Variants in TCERG1L observed in about 807,000 individuals in gnomAD.
TCERG1L encodes transcription elongation regulator 1-like protein.
A neutral mutation model predicts 56.3 loss-of-function variants in TCERG1L; 37 were observed. That is an observed-to-expected ratio of 0.66 (90% CI 0.51 to 0.87). The LOEUF (loss-of-function observed/expected upper bound fraction) is 0.87. TCERG1L is among the 40% of genes least tolerant of loss of function. The pLI, the probability that TCERG1L is intolerant of heterozygous loss-of-function variation, is 0.00. For missense variants in TCERG1L, 799 were observed against 774.2 expected, an observed-to-expected ratio of 1.03 and a Z score of -0.38; for synonymous variants, 324 against 326.3, an observed-to-expected ratio of 0.99 and a Z score of 0.08.
At chr10:131,193,784 GC>G in intron 4 of TCERG1L, among the ~76,000 whole-genome samples, 1 of 152,300 alleles carries the variant, frequency 6.6e-6, no homozygotes, top group African/African-American at 2.4e-5. Context: ...GATGCCTCTA[GC>G]TTTTTCCTTT....
At chr10:131,198,747 C>G (rs1421030055) in intron 4 of TCERG1L, among the ~76,000 whole-genome samples, 1 of 151,114 alleles carries the variant, frequency 6.6e-6, no homozygotes, top group East Asian at 2.0e-4. Flanking sequence ...CTAGGCATTA[C>G]TCTAGCAAGG....
At chr10:131,287,054 C>G (rs1305255115) in intron 3 of TCERG1L, among the ~76,000 whole-genome samples, 2 of 152,182 alleles carry the variant, frequency 1.3e-5, no homozygotes, top group African/African-American at 2.4e-5. Context: ...ACTAAATTAA[C>G]AAATTATTAA....
At chr10:131,292,483 A>T (rs922750928) in intron 3 of TCERG1L, among the ~76,000 whole-genome samples, 4 of 152,182 alleles carry the variant, frequency 2.6e-5, no homozygotes, top group Admixed American at 2.6e-4. Context: ...TATCTTTATG[A>T]CTGAGATTTG....
intron 3 of TCERG1L, among the ~76,000 whole-genome samples, chr10:131,285,580 G>A (rs1337668009): frequency 7.2e-6 from 1 of 139,532 alleles, no homozygotes; most frequent in East Asian, 2.1e-4. Context: ...AAGAAAGAAA[G>A]AAAAAAAATG....
At chr10:131,101,531 A>C (rs191224199) in intron 10 of TCERG1L, among the ~76,000 whole-genome samples, 3 of 152,222 alleles carry the variant, frequency 2.0e-5, no homozygotes, top group Admixed American at 1.3e-4. Flanking sequence ...CGTGCCACGC[A>C]CGCCACACAC....
At chr10:131,201,267 C>T (rs1845431264) in intron 4 of TCERG1L, among the ~76,000 whole-genome samples, 1 of 152,174 alleles carries the variant, frequency 6.6e-6, no homozygotes, top group Admixed American at 6.5e-5. Context: ...ACCTCCCTTC[C>T]CCCAGCTGGG....
intron 6 of TCERG1L, among the ~76,000 whole-genome samples, chr10:131,154,648 C>A (rs1381361239): frequency 6.6e-6 from 1 of 152,208 alleles, no homozygotes; most frequent in African/African-American, 2.4e-5. Flanking sequence ...CACCTGGCAG[C>A]TGGGTGAGGG....
chr10:131,274,638 G>A (rs1846374469), intron 3 of TCERG1L, among the ~76,000 whole-genome samples: 1 of 152,178 alleles, frequency 6.6e-6, no homozygotes, highest in South Asian at 2.1e-4. Flanking sequence ...CATTGCTGCT[G>A]CATGGCTTGT....
chr10:131,213,984 A>G (rs1845643484), intron 4 of TCERG1L, among the ~76,000 whole-genome samples: 1 of 152,176 alleles, frequency 6.6e-6, no homozygotes, highest in African/African-American at 2.4e-5. Flanking sequence ...AGTTTAACTC[A>G]GCAGAGGCCC....
chr10:131,200,322 C>T (rs2944477), intron 4 of TCERG1L, among the ~76,000 whole-genome samples: 73,375 of 152,062 alleles, frequency 0.48, 19,258 homozygotes, highest in South Asian at 0.63. Context: ...AAGGCACTGG[C>T]AGCTCTGTTG....
intron 4 of TCERG1L, among the ~76,000 whole-genome samples, chr10:131,257,403 T>C (rs1197546495): frequency 6.6e-6 from 1 of 152,218 alleles, no homozygotes; most frequent in Non-Finnish European, 1.5e-5. Flanking sequence ...TCTTTAAGTA[T>C]TATGTGGCAT....
At chr10:131,176,267 CAG>C (rs60460272) in intron 4 of TCERG1L, among the ~76,000 whole-genome samples, 17,166 of 152,030 alleles carry the variant, frequency 0.11, 1,814 homozygotes, top group African/African-American at 0.28. Context: ...GATGCACACA[CAG>C]ACACGTGTAC....
chr10:131,311,420 C>A lies in TCERG1L; in HGVS notation c.216G>T (p.Pro72=). The A allele has an allele frequency of 1.7e-6, 2 of 1,178,292 alleles. No individual in the cohort carries two copies. Among genetic ancestry groups the A allele is most frequent in the Non-Finnish European group, 2.1e-6 (2 of 955,170 alleles). 73.0% of individuals were successfully genotyped at this position (1,178,292 alleles called of 1,614,324 possible). The change falls in exon 1 of 12, where the codon CCG becomes CCT. Residue 72 remains proline, a synonymous_variant. Coordinates refer to ENST00000368642, the MANE Select transcript of TCERG1L (RefSeq NM_174937.4). This position sits in a 1 kb window ranked among gnomAD's most constrained non-coding sequence, Gnocchi z 4.0. The part of the protein sequence containing the change: ...LLASAPPPAA[P]LLPGLPGWPA... ...GCCAGCCGGGGAGACCGGGGAGCAG[C>A]GGGGCCGCGGGCGGCGGGGCCGAGG...
chr10:131,242,079 C>T (rs891883098), intron 4 of TCERG1L, among the ~76,000 whole-genome samples: 5 of 152,150 alleles, frequency 3.3e-5, no homozygotes, highest in African/African-American at 1.2e-4. Flanking sequence ...TTTTCAACAC[C>T]GAAGGGATCT....
At chr10:131,119,509 T>A (rs760031958) in intron 8 of TCERG1L, among the ~76,000 whole-genome samples, 5 of 152,178 alleles carry the variant, frequency 3.3e-5, no homozygotes, top group Non-Finnish European at 7.3e-5. Context: ...AAAATAGAAA[T>A]GTGAAACAAG....
intron 3 of TCERG1L, among the ~76,000 whole-genome samples, chr10:131,271,131 G>T (rs899825956): frequency 6.6e-6 from 1 of 152,148 alleles, no homozygotes; most frequent in Non-Finnish European, 1.5e-5. Context: ...ACCAGCTGTT[G>T]AGATGCTTCC....
chr10:131,279,087 C>T (rs999038727), intron 3 of TCERG1L, among the ~76,000 whole-genome samples: 7 of 152,210 alleles, frequency 4.6e-5, no homozygotes, highest in Admixed American at 1.3e-4. Context: ...AGTCCAGCCT[C>T]ACAGCTGCGT....
At chr10:131,189,004 T>G (rs1170821514) in intron 4 of TCERG1L, among the ~76,000 whole-genome samples, 1 of 152,158 alleles carries the variant, frequency 6.6e-6, no homozygotes, top group Non-Finnish European at 1.5e-5. Flanking sequence ...TAGTAATATA[T>G]CTTTGAGATA....
At chr10:131,308,103 C>A in intron 3 of TCERG1L, 108 bp downstream of exon 3, 4 of 1,121,654 alleles carry the variant, frequency 3.6e-6, no homozygotes, top group Non-Finnish European at 4.9e-6. Flanking sequence ...TATATTTTAC[C>A]AAGATAATTG....
Sources: allele counts gnomAD v4.1 joint callset (sites outside exome capture counted in the v4.1 genomes callset), GRCh38; gene constraint gnomAD v4.1.1; non-coding constraint Gnocchi (gnomAD v3.1); transcripts MANE v1.5; gene names NCBI Gene and HGNC (gene_info 2026-07-23, HGNC 2026-07-21).